CACNG3: variants seen among roughly 807,000 people sequenced by gnomAD.
CACNG3 encodes voltage-dependent calcium channel gamma-3 subunit.
A neutral mutation model predicts 28.5 loss-of-function variants in CACNG3; 3 were observed. The observed-to-expected ratio is 0.11, with a 90% CI of 0.05 to 0.27. The LOEUF is 0.27. Ranked by LOEUF, CACNG3 falls within the 10% of genes least tolerant of loss-of-function variation. The pLI is 1.00. For missense variants in CACNG3, 236 were observed against 414.4 expected, an observed-to-expected ratio of 0.57 and a Z score of 3.74; for synonymous variants, 174 against 162.2, an observed-to-expected ratio of 1.07 and a Z score of -0.55.
At chr16:24,347,462 GA>G (rs983600355) in intron 2 of CACNG3, among the ~76,000 whole-genome samples, 3 of 152,198 alleles carry the variant, frequency 2.0e-5, no homozygotes, top group Non-Finnish European at 4.4e-5. Flanking sequence ...CAGTTTAGGA[GA>G]AAAATCTAAG....
intron 1 of CACNG3, among the ~76,000 whole-genome samples, chr16:24,308,309 T>C (rs769574946): frequency 1.5e-4 from 23 of 152,142 alleles, no homozygotes; most frequent in Non-Finnish European, 2.6e-4. Flanking sequence ...CTAGTCCTCA[T>C]TGCTTCCTGG....
chr16:24,299,270 G>A (rs749188564), intron 1 of CACNG3, among the ~76,000 whole-genome samples: 10 of 152,092 alleles, frequency 6.6e-5, no homozygotes, highest in Non-Finnish European at 1.3e-4. Flanking sequence ...TATACTTTGG[G>A]TTATAATCTA....
intron 1 of CACNG3, among the ~76,000 whole-genome samples, chr16:24,333,941 T>C (rs1050520184): frequency 6.6e-6 from 1 of 152,144 alleles, no homozygotes; most frequent in South Asian, 2.1e-4. Flanking sequence ...AGCCTCAGCA[T>C]TTTTCAAGCT....
chr16:24,281,790 C>T (rs1192923833), intron 1 of CACNG3, among the ~76,000 whole-genome samples: 1 of 152,168 alleles, frequency 6.6e-6, no homozygotes. Context: ...TTTTCGTGTG[C>T]TTCTCATGAC....
intron 3 of CACNG3, among the ~76,000 whole-genome samples, chr16:24,355,956 G>C (rs1044417726): frequency 3.9e-5 from 6 of 152,164 alleles, no homozygotes; most frequent in Non-Finnish European, 8.8e-5. Flanking sequence ...AGGATGCTGA[G>C]AGACAACTTT....
intron 1 of CACNG3, among the ~76,000 whole-genome samples, chr16:24,292,247 G>C (rs1485693286): frequency 6.6e-6 from 1 of 152,184 alleles, no homozygotes; most frequent in East Asian, 1.9e-4. Context: ...GGGGAGTCCT[G>C]AATGGCGAAA....
intron 1 of CACNG3, among the ~76,000 whole-genome samples, chr16:24,260,541 G>A (rs367820480): frequency 1.2e-4 from 19 of 152,200 alleles, no homozygotes; most frequent in South Asian, 2.1e-4. Flanking sequence ...AACCTTAGTC[G>A]TGCTGCCTCT....
chr16:24,360,886 C>A (rs1370645800), intron 3 of CACNG3, among the ~76,000 whole-genome samples: 24 of 152,192 alleles, frequency 1.6e-4, no homozygotes, highest in Admixed American at 1.5e-3. Context: ...TTTCTCTCTC[C>A]TTCTCCTCCT....
chr16:24,262,701 A>T (rs1687124262), intron 1 of CACNG3, among the ~76,000 whole-genome samples: 1 of 152,204 alleles, frequency 6.6e-6, no homozygotes, highest in African/African-American at 2.4e-5. Context: ...TCCCAGTCGT[A>T]TCATCATCGG....
intron 1 of CACNG3, among the ~76,000 whole-genome samples, chr16:24,317,548 A>T (rs1273702027): frequency 7.3e-6 from 1 of 137,846 alleles, no homozygotes. Flanking sequence ...TCAAAAAAAA[A>T]AAAGAAAAAG....
At chr16:24,310,012 G>A (rs1480263059) in intron 1 of CACNG3, among the ~76,000 whole-genome samples, 4 of 152,190 alleles carry the variant, frequency 2.6e-5, no homozygotes, top group Non-Finnish European at 4.4e-5. Flanking sequence ...TTGTGTGTGC[G>A]TGTGTGAAAT....
chr16:24,291,831 TTCTACGGGGCA>T (rs1282713224), intron 1 of CACNG3, among the ~76,000 whole-genome samples: 1 of 152,130 alleles, frequency 6.6e-6, no homozygotes, highest in Non-Finnish European at 1.5e-5. Context: ...ATGAGATGCA[TTCTACGGGGCA>T]TACAGGAAAG....
intron 1 of CACNG3, among the ~76,000 whole-genome samples, chr16:24,303,848 G>T (rs1489817527): frequency 6.6e-6 from 1 of 152,028 alleles, no homozygotes; most frequent in African/African-American, 2.4e-5. Flanking sequence ...AGCCTGGGAG[G>T]CAGAGGTTGC....
rs71154298 is a variant in CACNG3 at position 24,308,839 on chromosome 16, C to CAAAAAA, written c.212-37872_212-37867dup. Reference sequence around the variant, plus strand: ...TGGCTGATGGAGTGAGAACCTACCTCAAAAAAAAAAAAAAAAAAAAAAAAA... The same window carrying CAAAAAA: ...TGGCTGATGGAGTGAGAACCTACCTCAAAAAAAAAAAAAAAAAAAAAAAAAAAAAAA... On this transcript the variant is annotated intron_variant, in intron 1 of 3. Transcript: ENST00000005284. Among the ~76,000 whole-genome samples the CAAAAAA allele has an allele frequency of 8.0e-3, 218 of 27,168 alleles. 2 individuals carry two copies. The highest frequency in any genetic ancestry group is 1.0e-2 in the Non-Finnish European group (133 of 13,344). 17.8% of individuals were successfully genotyped at this position (27,168 alleles called of 152,430 possible). A position where few individuals can be genotyped will look rare whatever the true frequency, so the allele number is the denominator to read the frequency against.
intron 2 of CACNG3, among the ~76,000 whole-genome samples, chr16:24,349,363 T>C (rs971638927): frequency 6.6e-6 from 1 of 152,096 alleles, no homozygotes; most frequent in Non-Finnish European, 1.5e-5. Flanking sequence ...CAAAGTAGAG[T>C]GAAAGCAAGT....
chr16:24,300,274 G>A (rs1302182305), intron 1 of CACNG3, among the ~76,000 whole-genome samples: 1 of 152,116 alleles, frequency 6.6e-6, no homozygotes, highest in African/African-American at 2.4e-5. Flanking sequence ...GACCTCATGG[G>A]GGAGACAGTG....
intron 1 of CACNG3, among the ~76,000 whole-genome samples, chr16:24,305,220 A>T (rs1418960385): frequency 6.6e-6 from 1 of 152,078 alleles, no homozygotes; most frequent in Non-Finnish European, 1.5e-5. Context: ...GATGAGGAAT[A>T]TGGGAAATCT....
chr16:24,321,121 C>G (rs1899450301), intron 1 of CACNG3, among the ~76,000 whole-genome samples: 1 of 152,104 alleles, frequency 6.6e-6, no homozygotes, highest in South Asian at 2.1e-4. Flanking sequence ...CTCCCTTGTC[C>G]CAAGTATCCA....
At chr16:24,315,646 CT>C (rs1280587655) in intron 1 of CACNG3, among the ~76,000 whole-genome samples, 4 of 148,868 alleles carry the variant, frequency 2.7e-5, no homozygotes, top group Non-Finnish European at 5.9e-5. Flanking sequence ...CTTTCTCTCT[CT>C]CTCTCTCATT....
Sources: gnomAD v4.1 joint callset for allele counts (sites outside exome capture counted in the v4.1 genomes callset) on GRCh38, gnomAD v4.1.1 for gene constraint, MANE v1.5 for transcripts, NCBI Gene and HGNC (gene_info 2026-07-23, HGNC 2026-07-21) for gene names.